Variants in ESR1 observed in about 807,000 individuals in gnomAD.
ESR1 encodes the protein estrogen receptor 1, also known as estrogen receptor.
In ESR1, 12 loss-of-function variants were observed where a neutral mutation model predicts 52.7. That is an observed-to-expected ratio of 0.23 (90% confidence interval 0.15 to 0.37). The LOEUF (loss-of-function observed/expected upper bound fraction) is 0.37. Among genes scored for constraint, ESR1 ranks in the 10% least tolerant of loss-of-function variants. ESR1 has a pLI of 1.00. For synonymous variants in ESR1, 305 were observed against 316.8 expected, an observed-to-expected ratio of 0.96 and a Z score of 0.39; for missense variants, 584 against 779.7, an observed-to-expected ratio of 0.75 and a Z score of 2.99.
At chr6:152,111,303 A>C (rs1298172621) in intron 6 of ESR1, among the ~76,000 whole-genome samples, 1 of 152,214 alleles carries the variant, frequency 6.6e-6, no homozygotes, top group African/African-American at 2.4e-5. Context: ...TGATTTCGAA[A>C]GTGGGTGGGC....
At position 151,899,019 on chromosome 6, in the gene ESR1, G is replaced by A. The variant is rs1165779666; in HGVS notation, c.760+18248G>A. Among the ~76,000 whole-genome samples the A allele has an allele frequency of 9.7e-3, 1,245 of 128,356 alleles. 16 individuals are homozygous for A. Among genetic ancestry groups the A allele is most frequent in the African/African-American group, 0.031 (1,064 of 34,140 alleles). 84.2% of individuals were successfully genotyped at this position (128,356 alleles called of 152,430 possible). A position where few individuals can be genotyped will look rare whatever the true frequency, so the allele number is the denominator to read the frequency against. ...CACCTCCCGGACGGGGCGGCTGGCC[G>A]GGCGGGGGGCTGAACCCCCACCTCC... On this transcript the variant is annotated intron_variant, in intron 3 of 7. Transcript: ENST00000206249.
At chr6:152,017,467 G>GGT (rs1366084386) in intron 5 of ESR1, among the ~76,000 whole-genome samples, 1 of 151,968 alleles carries the variant, frequency 6.6e-6, no homozygotes. Context: ...TTTCTCTTGG[G>GGT]GTGTGTGTGT....
intron 3 of ESR1, among the ~76,000 whole-genome samples, chr6:151,925,875 C>T (rs537023011): frequency 6.6e-6 from 1 of 151,746 alleles, no homozygotes; most frequent in African/African-American, 2.4e-5. Context: ...AACTTACTAC[C>T]AAATTCAATA....
At chr6:151,910,200 A>G (rs1057433443) in intron 3 of ESR1, among the ~76,000 whole-genome samples, 1 of 151,884 alleles carries the variant, frequency 6.6e-6, no homozygotes, top group Non-Finnish European at 1.5e-5. Flanking sequence ...TGAGCACTTG[A>G]TATGTTGTTG....
chr6:151,729,851 G>A (rs543982840), intron 2 of ESR1, among the ~76,000 whole-genome samples: 1 of 152,248 alleles, frequency 6.6e-6, no homozygotes, highest in South Asian at 2.1e-4. Flanking sequence ...ATTTTGGGAG[G>A]CCAAGGTGGG....
At chr6:152,001,761 T>G (rs1245099594) in intron 4 of ESR1, among the ~76,000 whole-genome samples, 1 of 152,052 alleles carries the variant, frequency 6.6e-6, no homozygotes, top group Non-Finnish European at 1.5e-5. Context: ...CTGAAATGAA[T>G]TTTTCTCCTT....
At chr6:151,813,429 TG>T (rs1461635079) in intron 1 of ESR1, 1 of 152,158 alleles carries the variant, frequency 6.6e-6, no homozygotes, top group Non-Finnish European at 1.5e-5. Context: ...TGTCTCAGTT[TG>T]GGTAGGTGGT....
chr6:152,028,599 G>A (rs1045752435), intron 5 of ESR1, among the ~76,000 whole-genome samples: 7 of 152,172 alleles, frequency 4.6e-5, no homozygotes, highest in Admixed American at 6.5e-5. Flanking sequence ...GCTAGGGGAC[G>A]GGCGCCTGCC....
chr6:151,903,094 C>T lies in ESR1; in HGVS notation c.760+22323C>T, dbSNP rs118083568. Among the ~76,000 whole-genome samples the T allele has an allele frequency of 2.1e-3, 321 of 152,258 alleles. 5 individuals carry two copies. In the East Asian group the frequency reaches 0.029, roughly 14 times the overall value. ...TCCAGGAAACTGTTCTGTTCATTGA[C>T]GACAGAATGTATTTTGTCCCGTATG... On this transcript the variant is annotated intron_variant, in intron 3 of 7. Coordinates refer to ENST00000206249, the MANE Select transcript of ESR1 (RefSeq NM_000125.4).
intron 3 of ESR1, among the ~76,000 whole-genome samples, chr6:151,901,433 C>G (rs1796676950): frequency 6.6e-6 from 1 of 152,142 alleles, no homozygotes; most frequent in African/African-American, 2.4e-5. Context: ...CAAATTCACT[C>G]CCTCCCCCAA....
chr6:152,028,831 C>T (rs575994108), intron 5 of ESR1, among the ~76,000 whole-genome samples: 9 of 152,318 alleles, frequency 5.9e-5, no homozygotes, highest in East Asian at 1.9e-4. Flanking sequence ...GATCTGAGAA[C>T]GGGCAGACTG....
chr6:151,941,665 T>C (rs900122589), intron 3 of ESR1, among the ~76,000 whole-genome samples: 10 of 152,128 alleles, frequency 6.6e-5, no homozygotes, highest in African/African-American at 2.4e-4. Flanking sequence ...TGGAATCCTT[T>C]GGGAATACCC....
chr6:152,055,005 G>A (rs925302498), intron 5 of ESR1, among the ~76,000 whole-genome samples: 3 of 152,166 alleles, frequency 2.0e-5, no homozygotes, highest in East Asian at 1.9e-4. Flanking sequence ...TGTTGCAAGC[G>A]ACAGGATTTC....
chr6:151,866,533 T>C (rs1789940382), intron 2 of ESR1, among the ~76,000 whole-genome samples: 1 of 152,110 alleles, frequency 6.6e-6, no homozygotes, highest in African/African-American at 2.4e-5. Flanking sequence ...TGTGTCCATG[T>C]ATTCTCATTG....
chr6:151,956,820 A>AT (rs2036983759), intron 4 of ESR1, among the ~76,000 whole-genome samples: 1 of 75,514 alleles, frequency 1.3e-5, no homozygotes, highest in African/African-American at 4.1e-5. Context: ...AAATATATAT[A>AT]AAAATATATA....
intron 2 of ESR1, among the ~76,000 whole-genome samples, chr6:151,705,889 T>C (rs1300015693): frequency 2.0e-5 from 3 of 152,230 alleles, no homozygotes; most frequent in African/African-American, 7.2e-5. Context: ...GTCTAAAAGA[T>C]TCAGCTGGTT....
At chr6:151,682,380 A>C (rs1778495491) in intron 1 of ESR1, among the ~76,000 whole-genome samples, 2 of 152,148 alleles carry the variant, frequency 1.3e-5, no homozygotes, top group Admixed American at 1.3e-4. Flanking sequence ...ATCTCCCTGG[A>C]GGGAGTTTCA....
rs79174150 is a variant in ESR1, at chr6:151,869,466, G to A, written c.644-11189G>A. On this transcript the variant is annotated intron_variant, in intron 2 of 7. Transcript: ENST00000206249. The stretch of plus-strand genomic sequence containing the variant: ...AGCCCTGAGAAGCATTACTGAAAGC[G>A]GTTCATTGTCCCTGAGGTATTACAA... Among the ~76,000 whole-genome samples, 486 of 152,272 alleles carry A rather than the reference G, an allele frequency of 3.2e-3. 5 individuals carry two copies. Among genetic ancestry groups the A allele is most frequent in the East Asian group, 0.025 (129 of 5,178 alleles).
chr6:151,717,075 G>T (rs1256901025), intron 2 of ESR1, among the ~76,000 whole-genome samples: 2 of 152,306 alleles, frequency 1.3e-5, no homozygotes, highest in Middle Eastern at 3.4e-3. Context: ...GTTCCTTAGG[G>T]CACAGTCCCT....
Sources: allele counts gnomAD v4.1 joint callset (sites outside exome capture counted in the v4.1 genomes callset), GRCh38; gene constraint gnomAD v4.1.1; transcripts MANE v1.5; gene names NCBI Gene and HGNC (gene_info 2026-07-23, HGNC 2026-07-21).